Variants in NRDC observed in about 807,000 individuals in gnomAD.
The protein encoded by NRDC is nardilysin convertase.
A neutral mutation model predicts 147.1 loss-of-function variants in NRDC; 54 were observed. The observed-to-expected ratio is 0.37, with a 90% CI of 0.29 to 0.46. NRDC has a LOEUF of 0.46. Among genes scored for constraint, NRDC ranks in the 20% least tolerant of loss-of-function variants. NRDC has a pLI of 1.00. For synonymous variants in NRDC, 440 were observed against 482.1 expected (o/e 0.91, Z 1.14); for missense variants, 1,082 against 1,370.6 (o/e 0.79, Z 3.33).
At chr1:51,825,975 TAA>T (rs1448365894) in intron 5 of NRDC, among the ~76,000 whole-genome samples, 1 of 152,228 alleles carries the variant, frequency 6.6e-6, no homozygotes, top group East Asian at 1.9e-4. Context: ...TAGTCCCTTG[TAA>T]AAGAGACCTC....
intron 2 of NRDC, chr1:51,837,740 T>G: frequency 1.4e-6 from 1 of 696,764 alleles, no homozygotes. Context: ...TATATCATAT[T>G]CAAATTTCAA....
intron 22 of NRDC, among the ~76,000 whole-genome samples, chr1:51,796,454 G>A (rs1678917698): frequency 6.6e-6 from 1 of 152,092 alleles, no homozygotes; most frequent in South Asian, 2.1e-4. Context: ...TGGCCAGGCT[G>A]GTCTTGAATC....
chr1:51,878,386 C>A lies in NRDC; in HGVS notation c.230G>T (p.Arg77Leu), dbSNP rs1571936386. ...PNGQDLGENS[R>L]VARLGADESE... Reference sequence around the variant, plus strand: ...TTCATCCGCTCCTAGACGGGCAACCCGGCTGTTCTCGCCCAGATCCTGTCC... The same window carrying A: ...TTCATCCGCTCCTAGACGGGCAACCAGGCTGTTCTCGCCCAGATCCTGTCC... The change falls in exon 1 of 31, where the codon CGG (arginine) becomes CTG (leucine). Residue 77 changes from arginine to leucine, a missense_variant. Around this residue, in one of 3 missense-constraint regions of NRDC, gnomAD observed 260 missense variants for 253.2 expected, o/e 1.03. Transcript: ENST00000352171. 1 of 1,614,156 alleles carries A rather than the reference C, an allele frequency of 6.2e-7. No homozygotes were observed. Among genetic ancestry groups the A allele is most frequent in the Non-Finnish European group, 8.5e-7 (1 of 1,180,038 alleles).
chr1:51,801,233 T>C (rs1679179409), intron 20 of NRDC: 1 of 147,022 alleles, frequency 6.8e-6, no homozygotes, highest in Admixed American at 7.0e-5. Flanking sequence ...CCTATACTTT[T>C]CCTGTTTATT....
Position 51,856,928 on chromosome 1 carries a change from TACAAGCC to T in NRDC, c.342-16421_342-16415del, listed in dbSNP as rs568627193. On this transcript the variant is annotated intron_variant, in intron 1 of 30. Transcript: ENST00000352171. ...AGACTTTAACAAGGGCTATGGGAGT[TACAAGCC>T]AGGAACAATGGATGAAAACCAATAT... 1.2e-3 allele frequency among the ~76,000 whole-genome samples: 184 copies of T among 152,278 alleles called. 1 individual carries two copies. The highest frequency in any genetic ancestry group is 2.1e-3 in the Non-Finnish European group (142 of 68,032).
chr1:51,806,992 T>C (rs1291280209), intron 17 of NRDC, 79 bp from the exon 18 acceptor site: 4 of 1,517,524 alleles, frequency 2.6e-6, no homozygotes, highest in Non-Finnish European at 3.5e-6. Context: ...TTCAGAAGTC[T>C]AAGTAACTTT....
At chr1:51,831,364 T>G (rs1484011501) in intron 4 of NRDC, among the ~76,000 whole-genome samples, 3 of 152,200 alleles carry the variant, frequency 2.0e-5, no homozygotes, top group Non-Finnish European at 4.4e-5. Context: ...GTTGTAAAAA[T>G]TCAACTTGTC....
chr1:51,811,286 A>G (rs567819323), intron 15 of NRDC, among the ~76,000 whole-genome samples: 1 of 152,292 alleles, frequency 6.6e-6, no homozygotes, highest in East Asian at 1.9e-4. Flanking sequence ...CACTATGAAC[A>G]TCTTGTGTCA....
chr1:51,869,804 C>T (rs1682995215), intron 1 of NRDC, among the ~76,000 whole-genome samples: 1 of 152,170 alleles, frequency 6.6e-6, no homozygotes, highest in Non-Finnish European at 1.5e-5. Context: ...ACAAAATATA[C>T]AATATCAGCA....
In NRDC at chr1:51,868,976, G is replaced by A. The variant is rs116460267; in HGVS notation, c.341+9299C>T. 6.0e-3 allele frequency among the ~76,000 whole-genome samples: 916 copies of A among 152,268 alleles called. 10 individuals are homozygous for A. Among genetic ancestry groups the A allele is most frequent in the African/African-American group, 0.021 (880 of 41,536 alleles). On this transcript the variant is annotated intron_variant, in intron 1 of 30. Transcript: ENST00000352171. ...TCTTTTTGAGATAGGGTCTCACTCT[G>A]TTGCCCACACTGGAGTGTACCGGTG... is the stretch of plus-strand genomic sequence containing the variant.
intron 4 of NRDC, among the ~76,000 whole-genome samples, chr1:51,828,842 C>T (rs1366749564): frequency 2.6e-5 from 4 of 151,752 alleles, no homozygotes; most frequent in South Asian, 2.1e-4. Flanking sequence ...CCTCAACCTC[C>T]GAAGTAGCTG....
chr1:51,862,865 C>A (rs567645181), intron 1 of NRDC, among the ~76,000 whole-genome samples: 1 of 151,462 alleles, frequency 6.6e-6, no homozygotes, highest in South Asian at 2.1e-4. Flanking sequence ...CAAAAATTAG[C>A]CAGGTGTGGT....
intron 4 of NRDC, among the ~76,000 whole-genome samples, chr1:51,832,618 AC>A (rs1188119400): frequency 1.3e-5 from 2 of 152,170 alleles, no homozygotes; most frequent in Non-Finnish European, 1.5e-5. Context: ...ATTAGGTATA[AC>A]TTTTTTCTAC....
At position 51,810,367 on chromosome 1, in the gene NRDC, T is replaced by G. The variant is rs201097621; in HGVS notation, c.1817A>C (p.Lys606Thr). Residue 606 changes from lysine to threonine, a missense_variant, in exon 16 of 31, where the codon AAA becomes ACA. Lys to Thr is a moderately conservative substitution (Grantham distance 78). Around this residue, in one of 3 missense-constraint regions of NRDC, gnomAD observed 635 missense variants for 923.8 expected, o/e 0.69. Coordinates refer to ENST00000352171, the MANE Select transcript of NRDC (RefSeq NM_001101662.2). ...ACCAGACAGTAAAACAAGATTTGCT[T>G]TTTGAGGAACTAGCTGATTCAAGGC... ...GEALNQLVPQ[K>T]ANLVLLSGAN... is the part of the protein sequence containing the mutation. 21 of 1,612,610 alleles carry G rather than the reference T, an allele frequency of 1.3e-5. No homozygotes were observed. The Admixed American group carries it at 2.7e-4, about 21-fold the overall frequency.
intron 29 of NRDC, chr1:51,789,933 C>T: frequency 4.8e-6 from 2 of 415,320 alleles, no homozygotes; most frequent in South Asian, 6.1e-5. Context: ...CCCACATCCC[C>T]TTAGTGTCAC....
chr1:51,860,080 T>C, intron 1 of NRDC: 1 of 179,088 alleles, frequency 5.6e-6, no homozygotes. Flanking sequence ...AATTATATTA[T>C]AAATTAACTG....
chr1:51,811,912 C>T (rs1679738982), intron 15 of NRDC, 82 bp downstream of exon 15: 2 of 865,310 alleles, frequency 2.3e-6, no homozygotes, highest in Admixed American at 2.2e-5. Flanking sequence ...TTCTTCGTTC[C>T]CATGGTTCTT....
In NRDC at chr1:51,840,411, C is replaced by G; in HGVS notation, c.445G>C (p.Val149Leu). ...NTTDDEEEEEVEEEEEDDDED... is the reference protein window; with the variant it reads ...NTTDDEEEEELEEEEEDDDED... The stretch of plus-strand genomic sequence containing the variant: ...TCATCATCTTCTTCTTCTTCCTCCA[C>G]CTCCTCTTCTTCTTCATCATCTGTT... Residue 149 changes from valine to leucine, a missense_variant, in exon 2 of 31, where the codon GTG becomes CTG. By Grantham distance (32) the Val-to-Leu change is conservative. Coordinates refer to ENST00000352171, the MANE Select transcript of NRDC (RefSeq NM_001101662.2). 6.3e-7 allele frequency: 1 copy of G among 1,589,130 alleles called. No individual in the cohort carries two copies. Among genetic ancestry groups the G allele is most frequent in the Non-Finnish European group, 8.6e-7 (1 of 1,157,476 alleles).
intron 5 of NRDC, among the ~76,000 whole-genome samples, chr1:51,827,090 T>C (rs898490198): frequency 6.6e-6 from 1 of 152,242 alleles, no homozygotes; most frequent in African/African-American, 2.4e-5. Context: ...TCCAAGGAGC[T>C]ACTACAGCTA....
Sources: gnomAD v4.1 joint callset for allele counts (sites outside exome capture counted in the v4.1 genomes callset) on GRCh38, gnomAD v4.1.1 for gene constraint, gnomAD v4.1.1 regional missense constraint, MANE v1.5 for transcripts, NCBI Gene and HGNC (gene_info 2026-07-23, HGNC 2026-07-21) for gene names.